ETS1: variants seen among roughly 807,000 people sequenced by gnomAD.
The protein encoded by ETS1 is ETS proto-oncogene 1, transcription factor, also known as protein C-ets-1.
In ETS1, 15 loss-of-function variants were observed where a neutral mutation model predicts 58.6. That is an observed-to-expected ratio of 0.26 (90% CI 0.17 to 0.39). The LOEUF (loss-of-function observed/expected upper bound fraction) is 0.39. ETS1 is among the 10% of genes least tolerant of loss of function. The pLI is 1.00. For missense variants in ETS1, 417 were observed against 610.5 expected (o/e 0.68, Z 3.34); for synonymous variants, 214 against 218.2 (o/e 0.98, Z 0.17).
chr11:128,477,355 C>T (rs1430984284), intron 8 of ETS1, among the ~76,000 whole-genome samples: 1 of 152,214 alleles, frequency 6.6e-6, no homozygotes, highest in Non-Finnish European at 1.5e-5. Context: ...GCCAACAAGT[C>T]TATACAATGA....
At chr11:128,487,357 C>T (rs1046980951) in intron 5 of ETS1, among the ~76,000 whole-genome samples, 5 of 152,228 alleles carry the variant, frequency 3.3e-5, no homozygotes, top group African/African-American at 2.4e-5. Context: ...CTAAGTGAGG[C>T]CAAACCAGTC....
chr11:128,556,138 T>G (rs1864308539), intron 3 of ETS1, among the ~76,000 whole-genome samples, 153 bp downstream of exon 3: 1 of 152,220 alleles, frequency 6.6e-6, no homozygotes, highest in Non-Finnish European at 1.5e-5. Flanking sequence ...AACCCAAAAT[T>G]TATGGAGAAG....
intron 2 of ETS1, among the ~76,000 whole-genome samples, chr11:128,566,373 G>A (rs1864494987): frequency 6.6e-6 from 1 of 152,212 alleles, no homozygotes; most frequent in African/African-American, 2.4e-5. Flanking sequence ...TGACAAGCAT[G>A]TTCTCACTGA....
chr11:128,556,362 C>G lies in ETS1; in HGVS notation c.143G>C (p.Arg48Thr). 6.2e-7 allele frequency: 1 copy of G among 1,613,556 alleles called. No homozygotes were observed. The highest frequency in any genetic ancestry group is 8.5e-7 in the Non-Finnish European group (1 of 1,179,520). The stretch of plus-strand genomic sequence containing the variant: ...CTCATCCCAAAAGGGGTAGCAAGGT[C>G]TTTGCTGGTGATAATTGGACTGGAA... ...CGFQSNYHQQRPCYPFWDEMA... is the reference protein window; with the variant it reads ...CGFQSNYHQQTPCYPFWDEMA... Residue 48 changes from arginine to threonine, a missense_variant, in exon 3 of 10, where the codon AGA becomes ACA. By Grantham distance (71) the Arg-to-Thr change is moderately conservative. Around this residue, in one of 4 missense-constraint regions of ETS1, gnomAD observed 90 missense variants for 90.3 expected, o/e 1.00. Transcript: ENST00000392668.
chr11:128,574,483 G>T (rs1864702431), intron 1 of ETS1, among the ~76,000 whole-genome samples: 1 of 152,158 alleles, frequency 6.6e-6, no homozygotes, highest in South Asian at 2.1e-4. Flanking sequence ...CTCCTCATTG[G>T]TGAAGATGAA....
intron 2 of ETS1, among the ~76,000 whole-genome samples, chr11:128,560,446 G>T (rs776564634): frequency 2.0e-5 from 3 of 152,152 alleles, no homozygotes; most frequent in African/African-American, 7.2e-5. Flanking sequence ...CAACAATCCT[G>T]CAAGATTAGT....
intron 1 of ETS1, among the ~76,000 whole-genome samples, chr11:128,583,847 A>G (rs1864923299): frequency 6.6e-6 from 1 of 152,182 alleles, no homozygotes; most frequent in African/African-American, 2.4e-5. Flanking sequence ...GGCAGCTCCA[A>G]CACTTGATTA....
intron 3 of ETS1, among the ~76,000 whole-genome samples, chr11:128,500,549 A>G (rs983524185): frequency 2.0e-5 from 3 of 152,142 alleles, no homozygotes; most frequent in Non-Finnish European, 4.4e-5. Flanking sequence ...AACAAAGTGG[A>G]CATTCTTCCT....
intron 1 of ETS1, among the ~76,000 whole-genome samples, chr11:128,587,272 T>C (rs1211201839): frequency 6.6e-6 from 1 of 152,084 alleles, no homozygotes; most frequent in African/African-American, 2.4e-5. Flanking sequence ...TTTAAAAACA[T>C]AGTCTTGCTT....
intron 3 of ETS1, among the ~76,000 whole-genome samples, chr11:128,493,925 A>C (rs946688612): frequency 2.0e-5 from 3 of 152,250 alleles, no homozygotes; most frequent in Admixed American, 6.5e-5. Flanking sequence ...CATCAAAAAC[A>C]ATGACAAAAT....
At chr11:128,547,793 T>A (rs1298198337) in intron 3 of ETS1, among the ~76,000 whole-genome samples, 2 of 152,006 alleles carry the variant, frequency 1.3e-5, no homozygotes, top group African/African-American at 2.4e-5. Context: ...TCCCTATTTT[T>A]AAAAAATAGG....
At chr11:128,569,318 CTTT>C (rs398018017) in intron 2 of ETS1, among the ~76,000 whole-genome samples, 1,180 of 39,464 alleles carry the variant, frequency 0.03, 72 homozygotes, top group Admixed American at 0.21. Flanking sequence ...AGAGTTTCTT[CTTT>C]TTTTTTTTTT....
chr11:128,458,810 C>G lies in ETS1; in HGVS notation c.*3551G>C, dbSNP rs906356198. On this transcript the variant is annotated 3_prime_UTR_variant, in exon 10 of 10. Coordinates refer to ENST00000392668, the MANE Select transcript of ETS1 (RefSeq NM_001143820.2). This position sits in a 1 kb window ranked among gnomAD's most constrained non-coding sequence, Gnocchi z 4.3. Reference sequence around the variant, plus strand: ...TTTTAATTTCACACAGTTTAAAATACAATATGAAATCAGGCTACAGTATAT... The same window carrying G: ...TTTTAATTTCACACAGTTTAAAATAGAATATGAAATCAGGCTACAGTATAT... The G allele has an allele frequency of 6.6e-6, 1 of 152,424 alleles. No individual in the cohort carries two copies. Among genetic ancestry groups the G allele is most frequent in the African/African-American group, 2.4e-5 (1 of 41,362 alleles). 9.4% of individuals were successfully genotyped at this position (152,424 alleles called of 1,614,324 possible).
chr11:128,480,468 A>G lies in ETS1; in HGVS notation c.863-17T>C, dbSNP rs1459853353. ...CGAGTTTACCTGGAGGTAAAGGAGG[A>G]GGTAGGAAGAGGACAGGGGGAGGAG... is the stretch of plus-strand genomic sequence containing the variant. On this transcript the variant is annotated splice_polypyrimidine_tract_variant and intron_variant, in intron 7 of 9. Transcript: ENST00000392668. The G allele has an allele frequency of 3.4e-5, 54 of 1,585,174 alleles. No individual in the cohort carries two copies. Among genetic ancestry groups the G allele is most frequent in the Non-Finnish European group, 4.1e-5 (47 of 1,154,738 alleles).
At position 128,484,819 on chromosome 11, in the gene ETS1, C is replaced by A. The variant is rs961800460; in HGVS notation, c.862+4G>T. 1.2e-6 allele frequency: 2 copies of A among 1,611,720 alleles called. No individual in the cohort carries two copies. Among genetic ancestry groups the A allele is most frequent in the Non-Finnish European group, 1.7e-6 (2 of 1,178,314 alleles). ...AGAGCTTTTAGAGAAGAAATATGAC[C>A]TACCACGACTGGTCCTCCCCATGCA... On this transcript the variant is annotated splice_donor_region_variant and intron_variant, in intron 7 of 9. Coordinates refer to ENST00000392668, the MANE Select transcript of ETS1 (RefSeq NM_001143820.2).
intron 3 of ETS1, among the ~76,000 whole-genome samples, chr11:128,547,111 T>C (rs1234288131): frequency 6.6e-6 from 1 of 152,214 alleles, no homozygotes; most frequent in Non-Finnish European, 1.5e-5. Context: ...ACTTCCAGAT[T>C]TAAATACACT....
At chr11:128,541,223 G>A (rs1194193453) in intron 3 of ETS1, among the ~76,000 whole-genome samples, 1 of 152,204 alleles carries the variant, frequency 6.6e-6, no homozygotes, top group Non-Finnish European at 1.5e-5. Context: ...CCTTGAGGAT[G>A]AGACTGAACC....
At chr11:128,544,368 T>TATATATATATATATATATATATA (rs1864101099) in intron 3 of ETS1, among the ~76,000 whole-genome samples, 1 of 143,364 alleles carries the variant, frequency 7.0e-6, no homozygotes, top group African/African-American at 2.6e-5. Context: ...TATATATATA[T>TATATATATATATATATATATATA]GGAATTTCCC....
At chr11:128,500,010 A>G (rs1863045199) in intron 3 of ETS1, among the ~76,000 whole-genome samples, 1 of 152,230 alleles carries the variant, frequency 6.6e-6, no homozygotes. Flanking sequence ...GCAGGAAACA[A>G]ACACAGAGAC....
Sources: allele counts gnomAD v4.1 joint callset (sites outside exome capture counted in the v4.1 genomes callset), GRCh38; gene constraint gnomAD v4.1.1; regional missense constraint gnomAD v4.1.1; non-coding constraint Gnocchi (gnomAD v3.1); transcripts MANE v1.5; gene names NCBI Gene and HGNC (gene_info 2026-07-23, HGNC 2026-07-21).